JAZF1: variants seen among roughly 807,000 people sequenced by gnomAD.
The protein encoded by JAZF1 is juxtaposed with another zinc finger protein 1.
Under a neutral mutation model 26.4 loss-of-function variants are expected in JAZF1, and 8 were observed. That is an observed-to-expected ratio of 0.30 (90% CI 0.18 to 0.55). JAZF1 has a LOEUF of 0.55. Among genes scored for constraint, JAZF1 ranks in the 20% least tolerant of loss-of-function variants. JAZF1 has a pLI of 0.94. For synonymous variants in JAZF1, 126 were observed against 122.3 expected (o/e 1.03, Z -0.20); for missense variants, 199 against 322.0 (o/e 0.62, Z 2.92).
At chr7:27,932,259 C>T (rs924741460) in intron 2 of JAZF1, among the ~76,000 whole-genome samples, 4 of 152,158 alleles carry the variant, frequency 2.6e-5, no homozygotes, top group African/African-American at 7.2e-5. Flanking sequence ...GTTCTCAAGT[C>T]CAACTGGGGA....
At chr7:27,843,028 G>C (rs946617333) in intron 3 of JAZF1, 1 of 152,336 alleles carries the variant, frequency 6.6e-6, no homozygotes, top group African/African-American at 2.4e-5. Context: ...GTCTCAGGGG[G>C]AAGGCACGTG....
At chr7:28,106,350 C>T (rs545773614) in intron 1 of JAZF1, among the ~76,000 whole-genome samples, 1 of 152,302 alleles carries the variant, frequency 6.6e-6, no homozygotes, top group Admixed American at 6.5e-5. Flanking sequence ...TAGCCACTCT[C>T]CCAACAACCT....
intron 1 of JAZF1, among the ~76,000 whole-genome samples, chr7:28,150,982 C>T (rs1783103740): frequency 6.6e-6 from 1 of 151,684 alleles, no homozygotes; most frequent in Non-Finnish European, 1.5e-5. Context: ...AGTTATAAGG[C>T]AAATGGAAAA....
At chr7:27,942,651 G>A (rs1784866250) in intron 2 of JAZF1, among the ~76,000 whole-genome samples, 1 of 152,142 alleles carries the variant, frequency 6.6e-6, no homozygotes, top group East Asian at 1.9e-4. Context: ...TGAGTTGAGA[G>A]CCAAAACACC....
chr7:28,067,310 G>C (rs4722753), intron 1 of JAZF1, among the ~76,000 whole-genome samples: 61,216 of 152,082 alleles, frequency 0.4, 13,677 homozygotes, highest in Admixed American at 0.58. Context: ...GACATCAACA[G>C]GGATGAGTTC....
chr7:28,031,738 G>A (rs554646622), intron 1 of JAZF1, among the ~76,000 whole-genome samples: 230 of 152,264 alleles, frequency 1.5e-3, no homozygotes, highest in African/African-American at 5.4e-3. Context: ...CATGGGGGTT[G>A]GGGGAAGGGA....
At chr7:28,171,616 A>G (rs946024118) in intron 1 of JAZF1, among the ~76,000 whole-genome samples, 5 of 152,216 alleles carry the variant, frequency 3.3e-5, no homozygotes, top group African/African-American at 4.8e-5. Context: ...CATTAAAATA[A>G]TGATATTTAT....
intron 2 of JAZF1, among the ~76,000 whole-genome samples, chr7:27,981,977 A>G (rs1030335232): frequency 6.6e-5 from 10 of 152,208 alleles, no homozygotes; most frequent in African/African-American, 1.2e-4. Flanking sequence ...TTTAGTGAGT[A>G]TAACTCCTAT....
Position 27,895,407 on chromosome 7 carries a change from T to C in JAZF1, c.198A>G (p.Thr66=). Residue 66 remains threonine (T), a synonymous_variant, in exon 3 of 5, where the codon ACA becomes ACG. Coordinates refer to ENST00000283928, the MANE Select transcript of JAZF1 (RefSeq NM_175061.4). ...ACTCCTGCTCTCGGCGGGCAGCATC[T>C]GTCATGAATCTGAAACAATAATGGA... is the stretch of plus-strand genomic sequence containing the variant. ...VALSYINRFM[T]DAARREQESL... The C allele has an allele frequency of 6.3e-7, 1 of 1,599,120 alleles. No homozygotes were observed. Among genetic ancestry groups the C allele is most frequent in the Non-Finnish European group, 8.5e-7 (1 of 1,172,652 alleles).
chr7:28,145,842 C>T (rs555373134), intron 1 of JAZF1, among the ~76,000 whole-genome samples: 2 of 152,276 alleles, frequency 1.3e-5, no homozygotes, highest in African/African-American at 4.8e-5. Flanking sequence ...TATAGTCTTG[C>T]CTTTTCTAGA....
intron 1 of JAZF1, among the ~76,000 whole-genome samples, chr7:28,004,034 G>A (rs1583503622): frequency 6.6e-6 from 1 of 152,040 alleles, no homozygotes; most frequent in Non-Finnish European, 1.5e-5. Flanking sequence ...CATACAAAAA[G>A]GTCTCAGCTC....
At chr7:27,888,431 T>G (rs2128340780) in intron 3 of JAZF1, among the ~76,000 whole-genome samples, 1 of 152,324 alleles carries the variant, frequency 6.6e-6, no homozygotes. Flanking sequence ...TTGTCCTTAC[T>G]AAGCCTATTT....
At chr7:28,087,523 T>C (rs1784229880) in intron 1 of JAZF1, among the ~76,000 whole-genome samples, 1 of 152,162 alleles carries the variant, frequency 6.6e-6, no homozygotes, top group African/African-American at 2.4e-5. Context: ...GCAGCATTAA[T>C]TCAGAAAATA....
chr7:27,871,838 C>T (rs539014713), intron 3 of JAZF1, among the ~76,000 whole-genome samples: 2 of 152,094 alleles, frequency 1.3e-5, no homozygotes, highest in Non-Finnish European at 2.9e-5. Context: ...CTGCCTCAGC[C>T]GACTGTCACA....
chr7:28,111,017 G>A (rs1784653200), intron 1 of JAZF1, among the ~76,000 whole-genome samples: 2 of 152,244 alleles, frequency 1.3e-5, no homozygotes, highest in Middle Eastern at 3.4e-3. Flanking sequence ...ATGGACAAAC[G>A]ACCCTGATTT....
intron 2 of JAZF1, among the ~76,000 whole-genome samples, chr7:27,935,692 G>A (rs538430532): frequency 6.6e-6 from 1 of 152,336 alleles, no homozygotes; most frequent in South Asian, 2.1e-4. Context: ...TGTATGGTAT[G>A]TGAATTATAT....
intron 1 of JAZF1, among the ~76,000 whole-genome samples, chr7:28,123,722 C>T (rs975054261): frequency 3.3e-4 from 50 of 152,140 alleles, no homozygotes; most frequent in African/African-American, 1.2e-3. Flanking sequence ...ACATACACAT[C>T]TATAGCAATG....
Position 28,012,371 on chromosome 7 carries a change from C to A in JAZF1, c.116-20390G>T, listed in dbSNP as rs185611019. On this transcript the variant is annotated intron_variant, in intron 1 of 4. Transcript: ENST00000283928. ...TAATATTTCACATTAAATCTCCCTA[C>A]CTGACCTTCTGAATCAAAAATGGAG... Among the ~76,000 whole-genome samples the A allele has an allele frequency of 1.2e-4, 19 of 152,288 alleles. No homozygotes were observed. The East Asian group carries it at 3.5e-3, about 28-fold the overall frequency.
intron 1 of JAZF1, among the ~76,000 whole-genome samples, chr7:28,026,060 C>A (rs886153849): frequency 1.3e-5 from 2 of 152,082 alleles, no homozygotes; most frequent in African/African-American, 4.8e-5. Flanking sequence ...CATGGCAAAC[C>A]AACACTTATG....
Sources: gnomAD v4.1 joint callset for allele counts (sites outside exome capture counted in the v4.1 genomes callset) on GRCh38, gnomAD v4.1.1 for gene constraint, MANE v1.5 for transcripts, NCBI Gene and HGNC (gene_info 2026-07-23, HGNC 2026-07-21) for gene names.